The following CNOT2 variants were observed in gnomAD, a reference collection of about 807,000 sequenced individuals.
CNOT2 encodes CCR4-NOT transcription complex subunit 2, also known as CC chemokine receptor 4-negative regulator of transcription 2.
In CNOT2, 7 loss-of-function variants were observed where a neutral mutation model predicts 72.1. The ratio of observed to expected loss-of-function variants is 0.10; its 90% CI spans 0.06 to 0.18. The LOEUF is 0.18. Ranked by LOEUF, CNOT2 falls within the 10% of genes least tolerant of loss-of-function variation. CNOT2 has a pLI of 1.00. For synonymous variants in CNOT2, 196 were observed against 225.6 expected, an observed-to-expected ratio of 0.87 and a Z score of 1.17; for missense variants, 345 against 660.3, an observed-to-expected ratio of 0.52 and a Z score of 5.23.
chr12:70,342,160 A>G lies in CNOT2; in HGVS notation c.1232A>G (p.Gln411Arg). 2 of 1,611,476 alleles carry G rather than the reference A, an allele frequency of 1.2e-6. No homozygotes were observed. The highest frequency in any genetic ancestry group is 1.7e-6 in the Non-Finnish European group (2 of 1,177,654). Residue 411 changes from glutamine to arginine, a missense_variant, in exon 12 of 16, where the codon CAA (glutamine) becomes CGA (arginine). Coordinates refer to ENST00000229195, the MANE Select transcript of CNOT2 (RefSeq NM_014515.7). ...SPWASSPCRP[Q>R]DIDFHVPSEY... is the part of the protein sequence containing the mutation. ...TGGGCATCTTCACCTTGTCGACCTC[A>G]AGACATAGGTAGGAGAATCTATTTG...
At chr12:70,295,687 T>TC (rs1872697972) in intron 2 of CNOT2, among the ~76,000 whole-genome samples, 1 of 152,198 alleles carries the variant, frequency 6.6e-6, no homozygotes, top group South Asian at 2.1e-4. Context: ...AGTTCTCAAC[T>TC]CCAACTTCTT....
chr12:70,286,014 G>A (rs1013581441), intron 2 of CNOT2, among the ~76,000 whole-genome samples: 1 of 151,866 alleles, frequency 6.6e-6, no homozygotes, highest in African/African-American at 2.4e-5. Flanking sequence ...TTAAAATTGA[G>A]CAGGAAAGGG....
intron 15 of CNOT2, among the ~76,000 whole-genome samples, chr12:70,347,347 A>T (rs1387018459): frequency 1.3e-5 from 2 of 152,158 alleles, no homozygotes; most frequent in African/African-American, 4.8e-5. Context: ...TATAAAACTC[A>T]AAAAGCCGGG....
chr12:70,338,367 G>A lies in CNOT2; in HGVS notation c.901-76G>A, dbSNP rs1193726592. 1.3e-5 allele frequency: 15 copies of A among 1,181,662 alleles called. No homozygotes were observed. The East Asian group carries it at 3.1e-4, about 25-fold the overall frequency. 73.2% of individuals were successfully genotyped at this position (1,181,662 alleles called of 1,614,324 possible). On this transcript the variant is annotated intron_variant, in intron 9 of 15. Coordinates refer to ENST00000229195, the MANE Select transcript of CNOT2 (RefSeq NM_014515.7). ...ATTTAAATGTAATAAAGAATAAATAGCAAGGTATTAATATGTGAACTTGAA... is the reference window on the plus strand; with the variant it reads ...ATTTAAATGTAATAAAGAATAAATAACAAGGTATTAATATGTGAACTTGAA...
intron 1 of CNOT2, among the ~76,000 whole-genome samples, chr12:70,261,146 T>C (rs1175566859): frequency 6.6e-6 from 1 of 151,942 alleles, no homozygotes; most frequent in Non-Finnish European, 1.5e-5. Flanking sequence ...GATCATGTGG[T>C]TGTTCTAATA....
intron 4 of CNOT2, among the ~76,000 whole-genome samples, chr12:70,324,589 A>G (rs1408210639): frequency 1.4e-5 from 2 of 145,984 alleles, no homozygotes; most frequent in Non-Finnish European, 3.1e-5. Flanking sequence ...GAGGAAGTGT[A>G]GAGTGTACTT....
rs543462406 is a variant in CNOT2 at position 70,300,021 on chromosome 12, T to G, written c.49-10874T>G. Among the ~76,000 whole-genome samples the G allele has an allele frequency of 5.2e-3, 788 of 152,350 alleles. 6 individuals carry two copies. Among genetic ancestry groups the G allele is most frequent in the African/African-American group, 0.018 (739 of 41,576 alleles). On this transcript the variant is annotated intron_variant, in intron 2 of 15. Coordinates refer to ENST00000229195, the MANE Select transcript of CNOT2 (RefSeq NM_014515.7). Reference sequence around the variant, plus strand: ...GTGTTTTTTTGGCTGCATAAATGTCTTCTTTTGAGAAGTGTCTGTTCATGT... The same window carrying G: ...GTGTTTTTTTGGCTGCATAAATGTCGTCTTTTGAGAAGTGTCTGTTCATGT...
At chr12:70,273,637 C>G (rs1290619090) in intron 1 of CNOT2, among the ~76,000 whole-genome samples, 1 of 152,152 alleles carries the variant, frequency 6.6e-6, no homozygotes, top group African/African-American at 2.4e-5. Flanking sequence ...TTTTAATTTT[C>G]AAGCCTGTGG....
In CNOT2 at chr12:70,319,342, G is replaced by A. The variant is rs1229222898; in HGVS notation, c.216G>A (p.Gly72=). Residue 72 remains glycine, a synonymous_variant, in exon 4 of 16, where the codon GGG becomes GGA. Transcript: ENST00000229195. ...PSTSGQLSQF[G]ASLYGQQSAL... is the part of the protein sequence containing the mutation. Reference sequence around the variant, plus strand: ...CATCAGGTCAGCTGTCTCAGTTTGGGGCAAGTTTATACGGGCAACAAAGTA... The same window carrying A: ...CATCAGGTCAGCTGTCTCAGTTTGGAGCAAGTTTATACGGGCAACAAAGTA... 1.2e-6 allele frequency: 2 copies of A among 1,610,364 alleles called. No individual in the cohort carries two copies. Among genetic ancestry groups the A allele is most frequent in the Non-Finnish European group, 1.7e-6 (2 of 1,177,562 alleles).
intron 2 of CNOT2, among the ~76,000 whole-genome samples, chr12:70,310,440 G>A (rs538586890): frequency 5.3e-5 from 8 of 151,978 alleles, no homozygotes; most frequent in South Asian, 2.1e-4. Flanking sequence ...TTCAAAAAAC[G>A]GTATATTTCA....
chr12:70,263,694 G>C (rs1210353792), intron 1 of CNOT2, among the ~76,000 whole-genome samples: 1 of 152,018 alleles, frequency 6.6e-6, no homozygotes, highest in African/African-American at 2.4e-5. Context: ...TCTTAAACAG[G>C]CAGTTTTCGT....
chr12:70,284,393 C>T (rs551257571), intron 2 of CNOT2, among the ~76,000 whole-genome samples: 76 of 152,000 alleles, frequency 5.0e-4, no homozygotes, highest in African/African-American at 1.8e-3. Context: ...TACCTACACG[C>T]ACCACCACAT....
At chr12:70,249,181 T>C (rs1958023330) in intron 1 of CNOT2, among the ~76,000 whole-genome samples, 1 of 151,988 alleles carries the variant, frequency 6.6e-6, no homozygotes, top group South Asian at 2.1e-4. Context: ...TGTATTACTT[T>C]CTACATTGTA....
intron 15 of CNOT2, among the ~76,000 whole-genome samples, chr12:70,350,068 T>A (rs1882690117): frequency 1.3e-5 from 2 of 152,128 alleles, no homozygotes; most frequent in South Asian, 4.1e-4. Context: ...ATTAACTTTT[T>A]AGCAGGCCAT....
chr12:70,295,655 T>C (rs2135886869), intron 2 of CNOT2, among the ~76,000 whole-genome samples: 1 of 152,330 alleles, frequency 6.6e-6, no homozygotes, highest in Middle Eastern at 3.4e-3. Context: ...AGTACTACTT[T>C]AATTTTAGGC....
At chr12:70,349,908 T>G (rs1011749832) in intron 15 of CNOT2, among the ~76,000 whole-genome samples, 2 of 152,018 alleles carry the variant, frequency 1.3e-5, no homozygotes, top group African/African-American at 4.8e-5. Context: ...CTTGGGAGGC[T>G]GAGGTAGGAG....
chr12:70,262,705 T>G (rs756730887), intron 1 of CNOT2, among the ~76,000 whole-genome samples: 53 of 150,714 alleles, frequency 3.5e-4, no homozygotes, highest in Non-Finnish European at 7.0e-4. Flanking sequence ...ATGGAGTCTT[T>G]CTCTGTTACC....
At chr12:70,245,548 A>G (rs2135677846) in intron 1 of CNOT2, among the ~76,000 whole-genome samples, 1 of 152,298 alleles carries the variant, frequency 6.6e-6, no homozygotes, top group Non-Finnish European at 1.5e-5. Context: ...ATCTCAGGGA[A>G]TGAGAATTGC....
chr12:70,338,943 G>A (rs1881074713), intron 11 of CNOT2, 121 bp downstream of exon 11: 1 of 793,036 alleles, frequency 1.3e-6, no homozygotes, highest in South Asian at 1.9e-5. Context: ...TGATTCTCTG[G>A]GTCATTCCCA....
Sources: gnomAD v4.1 joint callset for allele counts (sites outside exome capture counted in the v4.1 genomes callset) on GRCh38, gnomAD v4.1.1 for gene constraint, MANE v1.5 for transcripts, NCBI Gene and HGNC (gene_info 2026-07-23, HGNC 2026-07-21) for gene names.